The following UBR3 variants were observed in gnomAD, a reference collection of about 807,000 sequenced individuals.
UBR3 encodes E3 ubiquitin-protein ligase UBR3.
In UBR3, 85 loss-of-function variants were observed where a neutral mutation model predicts 243.2. The ratio of observed to expected loss-of-function variants is 0.35; its 90% CI spans 0.29 to 0.42. UBR3 has a LOEUF of 0.42. Ranked by LOEUF, UBR3 falls within the 10% of genes least tolerant of loss-of-function variation. UBR3 has a pLI of 1.00. For missense variants in UBR3, 1,686 were observed against 2,300.8 expected, an observed-to-expected ratio of 0.73 and a Z score of 5.47; for synonymous variants, 748 against 799.8, an observed-to-expected ratio of 0.94 and a Z score of 1.09.
At chr2:169,931,153 C>T (rs570800396) in intron 18 of UBR3, among the ~76,000 whole-genome samples, 1 of 151,948 alleles carries the variant, frequency 6.6e-6, no homozygotes, top group East Asian at 1.9e-4. Flanking sequence ...AGATTGAGAC[C>T]ATCCTGGCTA....
At chr2:169,860,264 C>G (rs920189742) in intron 1 of UBR3, among the ~76,000 whole-genome samples, 1 of 152,092 alleles carries the variant, frequency 6.6e-6, no homozygotes, top group African/African-American at 2.4e-5. Context: ...AGAATTTCTG[C>G]ACTTTATGTT....
chr2:169,836,157 C>T (rs2082107610), intron 1 of UBR3, among the ~76,000 whole-genome samples: 1 of 141,516 alleles, frequency 7.1e-6, no homozygotes. Context: ...GATCTCGGCT[C>T]ACTGCAACCT....
At chr2:169,834,445 T>C (rs998650931) in intron 1 of UBR3, among the ~76,000 whole-genome samples, 10 of 152,206 alleles carry the variant, frequency 6.6e-5, no homozygotes, top group Non-Finnish European at 1.0e-4. Flanking sequence ...AGAAGTTATA[T>C]CTTGGTTGAA....
intron 22 of UBR3, among the ~76,000 whole-genome samples, chr2:169,948,878 A>G (rs2086894307): frequency 6.6e-6 from 1 of 152,002 alleles, no homozygotes; most frequent in Non-Finnish European, 1.5e-5. Flanking sequence ...AAAGCTTTTT[A>G]GGAGATGAAT....
At chr2:169,900,770 T>C (rs2084790841) in intron 8 of UBR3, among the ~76,000 whole-genome samples, 1 of 151,976 alleles carries the variant, frequency 6.6e-6, no homozygotes, top group African/African-American at 2.4e-5. Context: ...ATAGCTAGCT[T>C]TCCTCACTTT....
intron 27 of UBR3, among the ~76,000 whole-genome samples, chr2:170,003,285 A>C (rs1455423708): frequency 6.6e-6 from 1 of 152,202 alleles, no homozygotes; most frequent in Non-Finnish European, 1.5e-5. Flanking sequence ...TGTTGGCTTA[A>C]AATCTCTTGC....
In UBR3 at chr2:170,045,819, C is replaced by G. The variant is rs552624788; in HGVS notation, c.4660+4834C>G. Among the ~76,000 whole-genome samples, 31 of 152,082 alleles carry G rather than the reference C, an allele frequency of 2.0e-4. 1 individual carries two copies. In the South Asian group the frequency reaches 6.2e-3, roughly 31 times the overall value. On this transcript the variant is annotated intron_variant, in intron 32 of 38. Transcript: ENST00000272793. Reference sequence around the variant, plus strand: ...TTCCAGACCACATATCATTTTATCTCTATAGTCTTCAGTATGTATCTCTAA... The same window carrying G: ...TTCCAGACCACATATCATTTTATCTGTATAGTCTTCAGTATGTATCTCTAA...
At position 169,854,031 on chromosome 2, in the gene UBR3, C is replaced by T. The variant is rs536211791; in HGVS notation, c.546-18205C>T. Among the ~76,000 whole-genome samples the T allele has an allele frequency of 5.6e-4, 79 of 140,882 alleles. 2 individuals carry two copies. The highest frequency in any genetic ancestry group is 4.8e-3 in the Admixed American group (67 of 13,874). The allele number at this position is 140,882 out of a possible 152,430, so 92.4% of individuals were successfully genotyped here. On this transcript the variant is annotated intron_variant, in intron 1 of 38. Transcript: ENST00000272793. ...CACTGGGGTCTGTTGGGGTTGGGGG[C>T]AAGGGGAGGGAGAGCATTAGGACAA...
chr2:169,982,328 G>T (rs1025741725), intron 24 of UBR3, among the ~76,000 whole-genome samples: 2 of 151,946 alleles, frequency 1.3e-5, no homozygotes, highest in Admixed American at 6.6e-5. Context: ...GAAGCAAGAA[G>T]ATTTTTGATT....
intron 24 of UBR3, among the ~76,000 whole-genome samples, chr2:169,985,047 G>C (rs766376499): frequency 6.6e-6 from 1 of 151,836 alleles, no homozygotes; most frequent in African/African-American, 2.4e-5. Flanking sequence ...GTGTGAGATA[G>C]GGTCAATGAA....
At chr2:169,883,825 A>T (rs148889811) in intron 5 of UBR3, among the ~76,000 whole-genome samples, 20 of 152,216 alleles carry the variant, frequency 1.3e-4, no homozygotes, top group African/African-American at 4.3e-4. Flanking sequence ...ACTTATATTT[A>T]GATTATAAGG....
intron 1 of UBR3, among the ~76,000 whole-genome samples, chr2:169,858,490 TTTA>T (rs1559028980): frequency 6.6e-6 from 1 of 151,860 alleles, no homozygotes; most frequent in African/African-American, 2.4e-5. Flanking sequence ...CTTGAAAGAG[TTTA>T]TTTCTCCTCA....
chr2:170,083,253 A>G lies in UBR3; in HGVS notation c.*1410A>G, dbSNP rs974869351. The G allele has an allele frequency of 4.6e-5, 7 of 152,624 alleles. No individual in the cohort carries two copies. The highest frequency in any genetic ancestry group is 7.4e-5 in the Non-Finnish European group (5 of 68,006). 9.5% of individuals were successfully genotyped at this position (152,624 alleles called of 1,614,324 possible). On this transcript the variant is annotated 3_prime_UTR_variant, in exon 39 of 39. Coordinates refer to ENST00000272793, the MANE Select transcript of UBR3 (RefSeq NM_172070.4). ...ACAAGAGTATAAAAATGGACATTAA[A>G]TCATGGCCTTGCATTAAAATATGGA...
chr2:169,962,700 G>A (rs1191440139), intron 24 of UBR3, among the ~76,000 whole-genome samples: 1 of 152,062 alleles, frequency 6.6e-6, no homozygotes, highest in Non-Finnish European at 1.5e-5. Context: ...TTCTTACTAT[G>A]TGTATAGAAT....
At chr2:169,888,039 G>A (rs2084174219) in intron 5 of UBR3, among the ~76,000 whole-genome samples, 1 of 151,562 alleles carries the variant, frequency 6.6e-6, no homozygotes, top group Non-Finnish European at 1.5e-5. Flanking sequence ...GCCTCCCAAA[G>A]TGCTGGGATC....
chr2:170,025,176 G>A (rs2090495414), intron 30 of UBR3, among the ~76,000 whole-genome samples: 1 of 152,076 alleles, frequency 6.6e-6, no homozygotes, highest in Admixed American at 6.6e-5. Context: ...AGCCTAGGGG[G>A]TACAAAAATG....
chr2:169,870,705 G>C (rs1283868195), intron 1 of UBR3, among the ~76,000 whole-genome samples: 1 of 151,612 alleles, frequency 6.6e-6, no homozygotes, highest in African/African-American at 2.4e-5. Context: ...CCAGGCTGGA[G>C]TGCAGTGGCA....
chr2:169,931,751 G>C (rs1191938667), intron 18 of UBR3, among the ~76,000 whole-genome samples: 1 of 151,910 alleles, frequency 6.6e-6, no homozygotes, highest in Non-Finnish European at 1.5e-5. Flanking sequence ...TTTTTAAAAT[G>C]AGTTAACTTA....
At position 170,061,042 on chromosome 2, in the gene UBR3, T is replaced by C. The variant is rs114252577; in HGVS notation, c.4786-37T>C. On this transcript the variant is annotated intron_variant, in intron 33 of 38. Coordinates refer to ENST00000272793, the MANE Select transcript of UBR3 (RefSeq NM_172070.4). The stretch of plus-strand genomic sequence containing the variant: ...TTCCAATGTAAATTTTTTATAATTT[T>C]CAGTGACCAGTGTAACCAATATTTT... The C allele has an allele frequency of 1.1e-3, 1,392 of 1,324,520 alleles. 13 individuals carry two copies. In the African/African-American group the frequency reaches 0.019, roughly 18 times the overall value. 82.0% of individuals were successfully genotyped at this position (1,324,520 alleles called of 1,614,324 possible). A position where few individuals can be genotyped will look rare whatever the true frequency, so the allele number is the denominator to read the frequency against.
Sources: allele counts gnomAD v4.1 joint callset (sites outside exome capture counted in the v4.1 genomes callset), GRCh38; gene constraint gnomAD v4.1.1; transcripts MANE v1.5; gene names NCBI Gene and HGNC (gene_info 2026-07-23, HGNC 2026-07-21).